MAGEB10: variants seen among roughly 807,000 people sequenced by gnomAD.
The protein encoded by MAGEB10 is MAGE family member B10, also known as melanoma-associated antigen B10.
For synonymous variants in MAGEB10, 99 were observed against 101.0 expected (o/e 0.98, Z 0.12); for missense variants, 190 against 261.9 (o/e 0.73, Z 1.89).
intron 2 of MAGEB10, among the ~76,000 whole-genome samples, chrX:27,819,370 C>T (rs1406953276): frequency 1.8e-5 from 2 of 111,617 alleles, no homozygotes; most frequent in Admixed American, 1.9e-4. Flanking sequence ...AATTGGCTTC[C>T]CCAACTTCTG....
chrX:27,821,212 T>C, intron 2 of MAGEB10, 46 bp from the exon 3 acceptor site: 1 of 759,566 alleles, frequency 1.3e-6, no homozygotes, highest in Non-Finnish European at 1.9e-6. Flanking sequence ...TAAAGTTGTA[T>C]CTCTCTGCTG....
At position 27,821,864 on chromosome X, in the gene MAGEB10, A is replaced by C. The variant is rs139940961; in HGVS notation, c.558A>C (p.Leu186=). The C allele has an allele frequency of 0.022, 26,177 of 1,210,036 alleles. 207 individuals are homozygous for C. The highest frequency in any genetic ancestry group is 0.052 in the South Asian group (2,957 of 56,811). The change falls in exon 3 of 3, where the codon CTA becomes CTC. Residue 186 remains leucine, a synonymous_variant. Coordinates refer to ENST00000356790, the MANE Select transcript of MAGEB10 (RefSeq NM_182506.3). The part of the protein sequence containing the change: ...HIYVLVNKLD[L]GCDAKLSDET... ...ATGTCCTTGTCAACAAACTAGATCT[A>C]GGCTGTGATGCAAAGCTGAGTGATG...
chrX:27,815,315 C>G (rs1218721319), intron 1 of MAGEB10, among the ~76,000 whole-genome samples: 1 of 112,461 alleles, frequency 8.9e-6, no homozygotes, highest in African/African-American at 3.2e-5. Flanking sequence ...TCACATCACT[C>G]ACTTGGAACT....
chrX:27,811,637 G>A (rs1215849092), intron 1 of MAGEB10, among the ~76,000 whole-genome samples: 1 of 112,237 alleles, frequency 8.9e-6, no homozygotes, highest in Non-Finnish European at 1.9e-5. Flanking sequence ...TAAGATGCAG[G>A]TAATACTGGC....
Position 27,822,581 on chromosome X carries a change from T to G in MAGEB10, c.*231T>G. ...ATTTTTCTGTATGTGAGATTAAGAG[T>G]AAGCGATTTATTGCTTTATAAGTCT... On this transcript the variant is annotated 3_prime_UTR_variant, in exon 3 of 3. Coordinates refer to ENST00000356790, the MANE Select transcript of MAGEB10 (RefSeq NM_182506.3). 1 of 377,768 alleles carries G rather than the reference T, an allele frequency of 2.6e-6. No homozygotes were observed. The highest frequency in any genetic ancestry group is 4.7e-6 in the Non-Finnish European group (1 of 214,439). The allele number at this position is 377,768 out of a possible 1,213,427, so 31.1% of individuals were successfully genotyped here.
intron 1 of MAGEB10, chrX:27,812,719 A>C: frequency 2.7e-6 from 1 of 370,578 alleles, no homozygotes; most frequent in South Asian, 2.6e-5. Flanking sequence ...CCACGAGCCT[A>C]TGCTGAAACC....
intron 1 of MAGEB10, among the ~76,000 whole-genome samples, chrX:27,816,935 C>T (rs1488856551): frequency 9.1e-6 from 1 of 110,155 alleles, no homozygotes; most frequent in East Asian, 2.8e-4. Context: ...GACTACATTG[C>T]CAGTCCACTT....
Position 27,821,669 on chromosome X carries a change from C to T in MAGEB10, c.363C>T (p.Tyr121=), listed in dbSNP as rs748740202. 45 of 1,210,139 alleles carry T rather than the reference C, an allele frequency of 3.7e-5. No individual in the cohort carries two copies. The highest frequency in any genetic ancestry group is 2.3e-4 in the Middle Eastern group (1 of 4,376). Residue 121 remains tyrosine, a synonymous_variant, in exon 3 of 3, where the codon TAC becomes TAT. Transcript: ENST00000356790. ...VDEKVIILVH[Y]LLYKYQMKEP... ...AGAAAGTAATTATATTGGTGCATTA[C>T]TTGCTGTACAAGTACCAAATGAAAG...
intron 2 of MAGEB10, among the ~76,000 whole-genome samples, chrX:27,818,218 T>A (rs949433788): frequency 9.0e-6 from 1 of 110,978 alleles, no homozygotes; most frequent in African/African-American, 3.3e-5. Flanking sequence ...TAATTGATCC[T>A]GGGAGAGCTA....
chrX:27,820,452 C>T (rs1923862858), intron 2 of MAGEB10, among the ~76,000 whole-genome samples: 1 of 110,546 alleles, frequency 9.0e-6, no homozygotes, highest in African/African-American at 3.3e-5. Context: ...GAGGGGAGGG[C>T]GTTGGACCAG....
chrX:27,808,572 G>T (rs1386731696), intron 1 of MAGEB10, among the ~76,000 whole-genome samples: 1 of 111,387 alleles, frequency 9.0e-6, no homozygotes. Flanking sequence ...AATAATGTTT[G>T]AGGGGAACCC....
intron 1 of MAGEB10, among the ~76,000 whole-genome samples, chrX:27,811,291 G>A (rs1471597710): frequency 9.1e-6 from 1 of 110,324 alleles, no homozygotes. Flanking sequence ...AGGGCAATCA[G>A]ACCCTCCAAG....
intron 1 of MAGEB10, among the ~76,000 whole-genome samples, chrX:27,813,572 A>G (rs915879220): frequency 7.1e-5 from 8 of 111,940 alleles, no homozygotes; most frequent in African/African-American, 2.6e-4. Context: ...GCTGTCATGT[A>G]AGGAAGATGG....
At chrX:27,808,322 A>T (rs1377295773) in intron 1 of MAGEB10, among the ~76,000 whole-genome samples, 3 of 111,377 alleles carry the variant, frequency 2.7e-5, no homozygotes. Flanking sequence ...GAAAACATGG[A>T]TATACTTCCT....
At chrX:27,809,082 C>T (rs1049387470) in intron 1 of MAGEB10, among the ~76,000 whole-genome samples, 5 of 112,465 alleles carry the variant, frequency 4.4e-5, no homozygotes, top group Non-Finnish European at 7.5e-5. Context: ...GTGGGAGCCC[C>T]TTTCTGGGCT....
intron 1 of MAGEB10, among the ~76,000 whole-genome samples, chrX:27,816,248 A>C (rs762754505): frequency 9.0e-6 from 1 of 111,465 alleles, no homozygotes; most frequent in South Asian, 3.7e-4. Context: ...AATTTTAATT[A>C]TATTTGCAAA....
intron 1 of MAGEB10, among the ~76,000 whole-genome samples, chrX:27,811,094 GAGGAGTCATT>G (rs1401214962): frequency 9.3e-6 from 1 of 107,870 alleles, no homozygotes; most frequent in Admixed American, 1.0e-4. Context: ...CTGTCAAGGT[GAGGAGTCATT>G]AGGAGGAACC....
In MAGEB10 at chrX:27,821,273, GC is replaced by G. The variant is rs1211819550; in HGVS notation, c.-32del. 15 of 1,154,217 alleles carry G rather than the reference GC, an allele frequency of 1.3e-5. No homozygotes were observed. The highest frequency in any genetic ancestry group is 1.8e-5 in the Non-Finnish European group (15 of 850,729). ...TCTTCTCCAGGTCACGGGATCACCT[GC>G]CTTTTTGGCTGCTGCACCTGAACAG... is the stretch of plus-strand genomic sequence containing the variant. On this transcript the variant is annotated 5_prime_UTR_variant, in exon 3 of 3. Transcript: ENST00000356790.
At chrX:27,814,516 G>A (rs1406960406) in intron 1 of MAGEB10, among the ~76,000 whole-genome samples, 1 of 111,963 alleles carries the variant, frequency 8.9e-6, no homozygotes, top group Non-Finnish European at 1.9e-5. Flanking sequence ...GTTGATTTGT[G>A]TGCTGTATCA....
Sources: allele counts gnomAD v4.1 joint callset (sites outside exome capture counted in the v4.1 genomes callset), GRCh38; gene constraint gnomAD v4.1.1; transcripts MANE v1.5; gene names NCBI Gene and HGNC (gene_info 2026-07-23, HGNC 2026-07-21).